The following ULK4 variants were observed in gnomAD, a reference collection of about 807,000 sequenced individuals.
The protein encoded by ULK4 is unc-51 like kinase 4.
A neutral mutation model predicts 160.6 loss-of-function variants in ULK4; 133 were observed. The observed-to-expected ratio is 0.83, with a 90% CI of 0.72 to 0.96. The LOEUF is 0.96. ULK4 is among the 40% of genes least tolerant of loss of function. The pLI, the probability that ULK4 is intolerant of heterozygous loss-of-function variation, is 0.00. For synonymous variants in ULK4, 534 were observed against 539.8 expected, an observed-to-expected ratio of 0.99 and a Z score of 0.15; for missense variants, 1,580 against 1,499.5, an observed-to-expected ratio of 1.05 and a Z score of -0.89.
Position 41,360,407 on chromosome 3 carries a change from T to C in ULK4, c.3678+37672A>G, listed in dbSNP as rs774206245. Among the ~76,000 whole-genome samples the C allele has an allele frequency of 2.0e-5, 3 of 152,158 alleles. 1 individual carries two copies. The South Asian group carries it at 6.2e-4, about 32-fold the overall frequency. ...GAAATACCATTTAACCCAGCAATCC[T>C]ATTAGTGGGTATATACCTAAAGGAA... is the stretch of plus-strand genomic sequence containing the variant. On this transcript the variant is annotated intron_variant, in intron 35 of 36. Coordinates refer to ENST00000301831, the MANE Select transcript of ULK4 (RefSeq NM_017886.4).
intron 34 of ULK4, among the ~76,000 whole-genome samples, chr3:41,417,259 A>T (rs1462994131): frequency 1.3e-5 from 2 of 152,178 alleles, no homozygotes; most frequent in Non-Finnish European, 2.9e-5. Context: ...CTAGTAACTG[A>T]GCTAAGATAA....
intron 22 of ULK4, among the ~76,000 whole-genome samples, chr3:41,722,657 T>A (rs1392972628): frequency 3.3e-5 from 5 of 149,674 alleles, no homozygotes; most frequent in East Asian, 3.8e-4. Context: ...TAAAATTAAA[T>A]TAAAATAAAA....
At chr3:41,254,425 G>C (rs2078794435) in intron 35 of ULK4, among the ~76,000 whole-genome samples, 1 of 152,260 alleles carries the variant, frequency 6.6e-6, no homozygotes, top group South Asian at 2.1e-4. Context: ...AGAAAAATTA[G>C]AAAATAATCT....
chr3:41,427,854 C>T (rs2082811921), intron 34 of ULK4, among the ~76,000 whole-genome samples: 1 of 150,418 alleles, frequency 6.6e-6, no homozygotes, highest in Non-Finnish European at 1.5e-5. Context: ...CCCTTAAAAA[C>T]TGGCACAAGA....
chr3:41,501,298 C>T (rs2085197015), intron 32 of ULK4, among the ~76,000 whole-genome samples: 3 of 152,136 alleles, frequency 2.0e-5, no homozygotes, highest in Non-Finnish European at 4.4e-5. Context: ...GAGATCAAGA[C>T]CATCTTGGCT....
intron 35 of ULK4, among the ~76,000 whole-genome samples, chr3:41,296,679 A>T (rs2079674909): frequency 6.6e-6 from 1 of 152,160 alleles, no homozygotes; most frequent in Admixed American, 6.5e-5. Flanking sequence ...AAATGAGCAG[A>T]GGGAACTCCA....
intron 35 of ULK4, among the ~76,000 whole-genome samples, chr3:41,387,490 A>G (rs1052520432): frequency 6.6e-6 from 1 of 152,154 alleles, no homozygotes; most frequent in Non-Finnish European, 1.5e-5. Flanking sequence ...ATCCTTTAAC[A>G]TTAGGTATAT....
chr3:41,756,920 T>A (rs780491000), intron 21 of ULK4, among the ~76,000 whole-genome samples: 1 of 152,154 alleles, frequency 6.6e-6, no homozygotes, highest in Non-Finnish European at 1.5e-5. Context: ...TATACATACA[T>A]ATATACATAT....
chr3:41,272,729 G>C (rs1320436108), intron 35 of ULK4, among the ~76,000 whole-genome samples: 1 of 151,708 alleles, frequency 6.6e-6, no homozygotes, highest in Non-Finnish European at 1.5e-5. Flanking sequence ...TCTTTCATTA[G>C]CTCCAATCAC....
At chr3:41,318,556 C>T (rs560797818) in intron 35 of ULK4, among the ~76,000 whole-genome samples, 1 of 152,276 alleles carries the variant, frequency 6.6e-6, no homozygotes, top group Non-Finnish European at 1.5e-5. Context: ...TTTTGCATTG[C>T]ATCTGCTATT....
rs548665387 is a variant in ULK4 at position 41,658,872 on chromosome 3, A to T, written c.3071+4735T>A. Among the ~76,000 whole-genome samples, 129 of 152,234 alleles carry T rather than the reference A, an allele frequency of 8.5e-4. 1 individual carries two copies. Among genetic ancestry groups the T allele is most frequent in the African/African-American group, 3.0e-3 (123 of 41,504 alleles). ...TATTAACTCTGAAAAATAAATTTTT[A>T]AAATTAAAATGAAATATAAAACCAA... On this transcript the variant is annotated intron_variant, in intron 30 of 36. Transcript: ENST00000301831.
chr3:41,690,302 G>A (rs545703501), intron 27 of ULK4, among the ~76,000 whole-genome samples: 58 of 151,520 alleles, frequency 3.8e-4, no homozygotes, highest in Non-Finnish European at 6.9e-4. Context: ...GGGGTAGGGG[G>A]AGTGGGGAGG....
chr3:41,270,998 A>G (rs2079128468), intron 35 of ULK4, among the ~76,000 whole-genome samples: 2 of 152,164 alleles, frequency 1.3e-5, no homozygotes, highest in South Asian at 4.1e-4. Context: ...TGTGTTTTCT[A>G]TATTTTTCTA....
At chr3:41,756,985 C>T (rs776441812) in intron 21 of ULK4, among the ~76,000 whole-genome samples, 14 of 151,720 alleles carry the variant, frequency 9.2e-5, no homozygotes, top group Non-Finnish European at 1.3e-4. Context: ...ACAAAATAAG[C>T]GTGAGAAATG....
chr3:41,247,084 AG>A, intron 36 of ULK4, 92 bp from the exon 37 acceptor site: 8 of 1,244,488 alleles, frequency 6.4e-6, no homozygotes, highest in Non-Finnish European at 8.0e-6. Flanking sequence ...TTTGCACCCG[AG>A]TATCTGGTGG....
At chr3:41,495,001 C>T (rs1057397931) in intron 32 of ULK4, among the ~76,000 whole-genome samples, 9 of 151,966 alleles carry the variant, frequency 5.9e-5, no homozygotes, top group Non-Finnish European at 1.2e-4. Flanking sequence ...AATGGCCATA[C>T]TGCCCAAGGT....
chr3:41,812,039 G>C (rs1408111114), intron 19 of ULK4, among the ~76,000 whole-genome samples: 1 of 152,180 alleles, frequency 6.6e-6, no homozygotes, highest in Non-Finnish European at 1.5e-5. Flanking sequence ...TCCTTCCAGC[G>C]CTTTGGGAAG....
chr3:41,913,939 G>A (rs1698884056), intron 8 of ULK4, among the ~76,000 whole-genome samples: 1 of 152,156 alleles, frequency 6.6e-6, no homozygotes, highest in Non-Finnish European at 1.5e-5. Flanking sequence ...CTCCAGCCTG[G>A]GTGACAGAGT....
intron 21 of ULK4, 28 bp from the exon 22 acceptor site, chr3:41,754,516 G>A (rs755567347): frequency 8.8e-6 from 14 of 1,599,310 alleles, no homozygotes; most frequent in East Asian, 2.2e-5. Flanking sequence ...ACAATTTTTT[G>A]AGAGAACATA....
Sources: allele counts gnomAD v4.1 joint callset (sites outside exome capture counted in the v4.1 genomes callset), GRCh38; gene constraint gnomAD v4.1.1; transcripts MANE v1.5; gene names NCBI Gene and HGNC (gene_info 2026-07-23, HGNC 2026-07-21).